The following RBPJ variants were observed in gnomAD, a reference collection of about 807,000 sequenced individuals.
RBPJ encodes the protein recombination signal binding protein for immunoglobulin kappa J region.
In RBPJ, 9 loss-of-function variants were observed where a neutral mutation model predicts 67.8. The ratio of observed to expected loss-of-function variants is 0.13; its 90% confidence interval spans 0.08 to 0.23. The LOEUF (loss-of-function observed/expected upper bound fraction) is 0.23. Ranked by LOEUF, RBPJ falls within the 10% of genes least tolerant of loss-of-function variation. RBPJ has a pLI of 1.00. For missense variants in RBPJ, 305 were observed against 595.6 expected (o/e 0.51, Z 5.08); for synonymous variants, 198 against 203.3 (o/e 0.97, Z 0.22).
chr4:26,249,649 C>T (rs1373871741), intron 1 of RBPJ, among the ~76,000 whole-genome samples: 5 of 151,874 alleles, frequency 3.3e-5, no homozygotes, highest in African/African-American at 4.8e-5. Context: ...TGACAGAGTG[C>T]GACTCTGTCA....
chr4:26,386,757 G>A (rs1276030936), intron 2 of RBPJ, among the ~76,000 whole-genome samples: 1 of 152,082 alleles, frequency 6.6e-6, no homozygotes, highest in Non-Finnish European at 1.5e-5. Flanking sequence ...GAATTTTAAG[G>A]AAAACAGTTT....
chr4:26,342,569 C>T (rs895146180), intron 1 of RBPJ, among the ~76,000 whole-genome samples: 1 of 152,190 alleles, frequency 6.6e-6, no homozygotes, highest in African/African-American at 2.4e-5. Flanking sequence ...CATCTGACAA[C>T]ACATGATTGA....
chr4:26,305,660 T>C (rs1346135075), intron 1 of RBPJ, among the ~76,000 whole-genome samples: 2 of 151,924 alleles, frequency 1.3e-5, no homozygotes, highest in African/African-American at 4.8e-5. Context: ...TCCTTGAAAA[T>C]ATATAGAATA....
At chr4:26,232,511 C>A (rs1392035035) in intron 1 of RBPJ, among the ~76,000 whole-genome samples, 1 of 152,190 alleles carries the variant, frequency 6.6e-6, no homozygotes, top group Non-Finnish European at 1.5e-5. Flanking sequence ...AGCCGCTACA[C>A]CCAGCCAATT....
rs149462061 is a variant in RBPJ at position 26,190,619 on chromosome 4, A to G, written c.-167+27005A>G. 5.2e-3 allele frequency among the ~76,000 whole-genome samples: 789 copies of G among 152,240 alleles called. 4 individuals carry two copies. Among genetic ancestry groups the G allele is most frequent in the Non-Finnish European group, 7.3e-3 (497 of 68,000 alleles). On this transcript the variant is annotated intron_variant, in intron 1 of 4. Coordinates refer to the RBPJ transcript ENST00000512351. ...GGGCTCCAGAAGGGGCCTCAAAACT[A>G]TCCTTACCCAAGTACTTTGTGGACA...
chr4:26,282,190 A>T (rs1721298655), intron 1 of RBPJ, among the ~76,000 whole-genome samples: 2 of 150,444 alleles, frequency 1.3e-5, no homozygotes, highest in Admixed American at 1.3e-4. Flanking sequence ...ATCATCTAAA[A>T]AGGAATTTTG....
intron 1 of RBPJ, among the ~76,000 whole-genome samples, chr4:26,279,400 C>A (rs1048438527): frequency 6.6e-6 from 1 of 152,166 alleles, no homozygotes; most frequent in Non-Finnish European, 1.5e-5. Flanking sequence ...CCTGTCTCAG[C>A]CCCCCGAGTA....
intron 1 of RBPJ, among the ~76,000 whole-genome samples, chr4:26,227,818 C>A (rs1250761551): frequency 1.3e-5 from 2 of 152,254 alleles, no homozygotes; most frequent in African/African-American, 4.8e-5. Context: ...CACGCTTGCT[C>A]CATGTCTCCC....
rs199615378 is a variant in RBPJ at position 26,386,405 on chromosome 4, T to C, written c.59+14T>C. 2.8e-5 allele frequency: 43 copies of C among 1,563,632 alleles called. No individual in the cohort carries two copies. The highest frequency in any genetic ancestry group is 2.1e-4 in the Middle Eastern group (1 of 4,790). ...ACGACTTACTAGGTGAGTATTATAT[T>C]AGTCAGCTTTTTACACATACATTTT... On this transcript the variant is annotated intron_variant, in intron 2 of 10. Coordinates refer to ENST00000355476, the MANE Select transcript of RBPJ (RefSeq NM_015874.6).
intron 1 of RBPJ, among the ~76,000 whole-genome samples, chr4:26,293,488 T>G (rs1468041516): frequency 1.3e-5 from 2 of 149,122 alleles, no homozygotes; most frequent in Non-Finnish European, 3.0e-5. Flanking sequence ...TTTTTTTAAT[T>G]AGCCAAGTCT....
chr4:26,211,188 T>G (rs1718410353), intron 1 of RBPJ, among the ~76,000 whole-genome samples: 1 of 152,302 alleles, frequency 6.6e-6, no homozygotes, highest in Non-Finnish European at 1.5e-5. Flanking sequence ...TGCACGTGTA[T>G]GTGTGCAATG....
At chr4:26,341,143 A>G (rs1022571537) in intron 1 of RBPJ, among the ~76,000 whole-genome samples, 5 of 152,220 alleles carry the variant, frequency 3.3e-5, no homozygotes, top group Admixed American at 2.6e-4. Flanking sequence ...CCCAGGGGCT[A>G]CATTCTGGAC....
intron 1 of RBPJ, among the ~76,000 whole-genome samples, chr4:26,376,298 C>G (rs182683337): frequency 2.0e-5 from 3 of 152,170 alleles, no homozygotes; most frequent in Admixed American, 2.0e-4. Context: ...TCCCTTCCCC[C>G]CAGGTCCCTG....
chr4:26,364,180 T>C (rs2109512669), intron 1 of RBPJ, among the ~76,000 whole-genome samples: 1 of 152,354 alleles, frequency 6.6e-6, no homozygotes, highest in African/African-American at 2.4e-5. Flanking sequence ...TTTTGTCAGT[T>C]AGTCTACCTT....
At chr4:26,275,708 G>C (rs1721056588) in intron 1 of RBPJ, among the ~76,000 whole-genome samples, 1 of 152,080 alleles carries the variant, frequency 6.6e-6, no homozygotes, top group African/African-American at 2.4e-5. Flanking sequence ...TCGGCTCACT[G>C]CAACCTCCGC....
intron 1 of RBPJ, among the ~76,000 whole-genome samples, chr4:26,181,182 G>A (rs759694175): frequency 1.3e-5 from 2 of 152,166 alleles, no homozygotes; most frequent in Non-Finnish European, 2.9e-5. Flanking sequence ...CTAATACCGT[G>A]TGTTTTTAAT....
rs148932531 is a variant in RBPJ at position 26,218,927 on chromosome 4, C to T, written c.-167+55313C>T. 6.4e-3 allele frequency among the ~76,000 whole-genome samples: 980 copies of T among 152,278 alleles called. 13 individuals are homozygous for T. Among genetic ancestry groups the T allele is most frequent in the African/African-American group, 0.022 (932 of 41,544 alleles). On this transcript the variant is annotated intron_variant, in intron 1 of 4. Transcript: ENST00000512351. ...TCAGTACCAGGCCTTCTCTCCAGAGCTCCTGCAAGAGACACAGACCTAGGG... is the reference window on the plus strand; with the variant it reads ...TCAGTACCAGGCCTTCTCTCCAGAGTTCCTGCAAGAGACACAGACCTAGGG...
intron 1 of RBPJ, among the ~76,000 whole-genome samples, chr4:26,210,576 G>A (rs1718349272): frequency 6.6e-6 from 1 of 152,068 alleles, no homozygotes; most frequent in Admixed American, 6.6e-5. Flanking sequence ...AAATATCAAT[G>A]AGGCTTTTAA....
upstream of RBPJ, among the ~76,000 whole-genome samples, chr4:26,316,556 CATAT>C (rs1722638057): frequency 7.2e-6 from 1 of 137,988 alleles, no homozygotes; most frequent in Admixed American, 7.5e-5. Context: ...TGTATATATT[CATAT>C]ATATACACAT....
Sources: allele counts gnomAD v4.1 joint callset (sites outside exome capture counted in the v4.1 genomes callset), GRCh38; gene constraint gnomAD v4.1.1; transcripts MANE v1.5; gene names NCBI Gene and HGNC (gene_info 2026-07-23, HGNC 2026-07-21).